The following PHACTR3 variants were observed in gnomAD, a reference collection of about 807,000 sequenced individuals.
PHACTR3 encodes phosphatase and actin regulator 3, also known as protein phosphatase 1, regulatory subunit 123.
A neutral mutation model predicts 66.8 loss-of-function variants in PHACTR3; 16 were observed. The observed-to-expected ratio is 0.24, with a 90% confidence interval of 0.16 to 0.36. The LOEUF (loss-of-function observed/expected upper bound fraction) is 0.36. PHACTR3 is among the 10% of genes least tolerant of loss of function. The probability of loss-of-function intolerance (pLI) is 1.00; values close to 1 mark genes in which losing one functional copy is unlikely to be tolerated. For missense variants in PHACTR3, 647 were observed against 719.9 expected (o/e 0.90, Z 1.16); for synonymous variants, 323 against 292.1 (o/e 1.11, Z -1.08).
chr20:59,779,126 A>G (rs1307633765), intron 7 of PHACTR3, among the ~76,000 whole-genome samples: 1 of 152,140 alleles, frequency 6.6e-6, no homozygotes, highest in Admixed American at 6.5e-5. Flanking sequence ...ACTGGCAGGT[A>G]TGTCTGAGGT....
chr20:59,719,034 G>T (rs2038196025), intron 1 of PHACTR3, among the ~76,000 whole-genome samples: 1 of 152,206 alleles, frequency 6.6e-6, no homozygotes, highest in Non-Finnish European at 1.5e-5. Flanking sequence ...TTGCATGAGG[G>T]TTTTTTTCTT....
At chr20:59,684,958 C>T (rs1007686595) in intron 1 of PHACTR3, among the ~76,000 whole-genome samples, 19 of 152,148 alleles carry the variant, frequency 1.2e-4, no homozygotes, top group Non-Finnish European at 2.4e-4. Context: ...TGGCTCAGCA[C>T]GTCCCGTGGC....
intron 1 of PHACTR3, among the ~76,000 whole-genome samples, chr20:59,737,855 G>GTGAA (rs1161797862): frequency 3.3e-5 from 5 of 152,058 alleles, no homozygotes; most frequent in African/African-American, 1.2e-4. Flanking sequence ...GAGTGAGTGA[G>GTGAA]TGAATTCTTA....
chr20:59,823,176 G>GT (rs2042097644), intron 8 of PHACTR3, among the ~76,000 whole-genome samples: 1 of 152,184 alleles, frequency 6.6e-6, no homozygotes, highest in Admixed American at 6.5e-5. Context: ...TATATACATG[G>GT]TAAAAAATAA....
chr20:59,766,997 A>C (rs1016223856), intron 4 of PHACTR3, among the ~76,000 whole-genome samples, 189 bp from the exon 5 acceptor site: 1 of 152,164 alleles, frequency 6.6e-6, no homozygotes, highest in African/African-American at 2.4e-5. Flanking sequence ...CCCTCTCTCC[A>C]TATTCCTCTC....
intron 4 of PHACTR3, among the ~76,000 whole-genome samples, chr20:59,766,241 A>G (rs2040177176): frequency 6.6e-6 from 1 of 152,194 alleles, no homozygotes; most frequent in African/African-American, 2.4e-5. Flanking sequence ...TGCAGGAGGA[A>G]GCTCCTGGCC....
chr20:59,774,565 G>T, intron 7 of PHACTR3, 75 bp downstream of exon 7: 1 of 1,539,126 alleles, frequency 6.5e-7, no homozygotes. Context: ...CGAGGACAGA[G>T]CTCGTGCCTG....
rs1007451228 is a variant in PHACTR3 at position 59,836,275 on chromosome 20, C to G, written c.1329-230C>G. The G allele has an allele frequency of 1.2e-5, 6 of 507,750 alleles. No individual in the cohort carries two copies. The South Asian group carries it at 1.7e-4, about 15-fold the overall frequency. The allele number at this position is 507,750 out of a possible 1,614,324, so 31.5% of individuals were successfully genotyped here. On this transcript the variant is annotated intron_variant, in intron 8 of 12. Transcript: ENST00000371015. ...AAGACCTGCACATGTGGAGCTGGAG[C>G]AAGGACTAGTCTAGTATTAGCTCTG...
chr20:59,628,689 T>C lies in PHACTR3; in HGVS notation c.118+23557T>C, dbSNP rs532895380. The C allele has an allele frequency of 2.9e-4, 281 of 985,446 alleles. 4 individuals carry two copies. The South Asian group carries it at 0.011, about 40-fold the overall frequency. 61.0% of individuals were successfully genotyped at this position (985,446 alleles called of 1,614,324 possible). On this transcript the variant is annotated intron_variant, in intron 1 of 12. Transcript: ENST00000371015. ...TGGTTGGTCTCAAGACCTCCCCTGTTGCCTGTGCTCTGGAAGATTCCCCAT... is the reference window on the plus strand; with the variant it reads ...TGGTTGGTCTCAAGACCTCCCCTGTCGCCTGTGCTCTGGAAGATTCCCCAT...
chr20:59,830,926 G>T lies in PHACTR3; in HGVS notation c.1329-5579G>T, dbSNP rs1284105224. ...AGCCTCCACAGACCTGGAAATGTGG[G>T]TGGCACAGTGGCATCATGACTCCTG... On this transcript the variant is annotated intron_variant, in intron 8 of 12. Transcript: ENST00000371015. This position sits in a 1 kb window ranked among gnomAD's most constrained non-coding sequence, Gnocchi z 5.8. Among the ~76,000 whole-genome samples, 2 of 152,084 alleles carry T rather than the reference G, an allele frequency of 1.3e-5. No individual in the cohort carries two copies. The highest frequency in any genetic ancestry group is 2.9e-5 in the Non-Finnish European group (2 of 68,000).
intron 1 of PHACTR3, among the ~76,000 whole-genome samples, chr20:59,585,788 A>T (rs17455968): frequency 2.0e-5 from 3 of 152,106 alleles, no homozygotes; most frequent in Admixed American, 6.5e-5. Flanking sequence ...GAGTTCCTTT[A>T]AGTACTGTCG....
intron 1 of PHACTR3, among the ~76,000 whole-genome samples, chr20:59,698,515 G>T (rs1400071749): frequency 6.6e-6 from 1 of 152,046 alleles, no homozygotes; most frequent in Non-Finnish European, 1.5e-5. Context: ...CCAGATGATA[G>T]CTTCAATACC....
chr20:59,578,094 A>G (rs1293388892), intron 1 of PHACTR3, among the ~76,000 whole-genome samples: 1 of 152,154 alleles, frequency 6.6e-6, no homozygotes, highest in East Asian at 1.9e-4. Context: ...ATGGGCCTCC[A>G]CCCACGTGGG....
chr20:59,675,649 G>A (rs1644586980), intron 1 of PHACTR3, among the ~76,000 whole-genome samples: 1 of 152,112 alleles, frequency 6.6e-6, no homozygotes, highest in Admixed American at 6.5e-5. Flanking sequence ...ACACTGCAGT[G>A]CCTGGAGACA....
At chr20:59,667,854 C>T (rs528589681) in intron 1 of PHACTR3, among the ~76,000 whole-genome samples, 1 of 152,354 alleles carries the variant, frequency 6.6e-6, no homozygotes, top group African/African-American at 2.4e-5. Flanking sequence ...GCCATTCAGG[C>T]ACTGCTCATG....
chr20:59,701,162 G>A (rs1384478594), intron 1 of PHACTR3, among the ~76,000 whole-genome samples: 1 of 152,134 alleles, frequency 6.6e-6, no homozygotes, highest in Non-Finnish European at 1.5e-5. Context: ...ATAAAAATAT[G>A]GACCATAAAT....
At chr20:59,754,695 G>A (rs554915837) in intron 3 of PHACTR3, among the ~76,000 whole-genome samples, 26 of 152,352 alleles carry the variant, frequency 1.7e-4, no homozygotes, top group Admixed American at 8.5e-4. Flanking sequence ...GATCTGCCCC[G>A]TGGGTCTGCT....
chr20:59,785,552 C>A (rs995090269), intron 7 of PHACTR3, among the ~76,000 whole-genome samples: 5 of 152,104 alleles, frequency 3.3e-5, no homozygotes, highest in African/African-American at 1.2e-4. Flanking sequence ...GCTGTGGGCC[C>A]CTGGCTGCAA....
At chr20:59,745,249 G>A (rs981955096) in intron 2 of PHACTR3, among the ~76,000 whole-genome samples, 15 of 152,196 alleles carry the variant, frequency 9.9e-5, no homozygotes, top group African/African-American at 2.2e-4. Context: ...GTGAAAGGCC[G>A]GGGGACTAGA....
Sources: gnomAD v4.1 joint callset for allele counts (sites outside exome capture counted in the v4.1 genomes callset) on GRCh38, gnomAD v4.1.1 for gene constraint, Gnocchi (gnomAD v3.1) non-coding constraint, MANE v1.5 for transcripts, NCBI Gene and HGNC (gene_info 2026-07-23, HGNC 2026-07-21) for gene names.